The following CSMD1 variants were observed in gnomAD, a reference collection of about 807,000 sequenced individuals.
CSMD1 encodes the protein CUB and Sushi multiple domains 1.
Under a neutral mutation model 417.5 loss-of-function variants are expected in CSMD1, and 213 were observed. That is an observed-to-expected ratio of 0.51 (90% CI 0.46 to 0.57). CSMD1 has a LOEUF of 0.57. CSMD1 is among the 20% of genes least tolerant of loss of function. The pLI, the probability that CSMD1 is intolerant of heterozygous loss-of-function variation, is 0.00. For synonymous variants in CSMD1, 2,862 were observed against 1,736.8 expected, an observed-to-expected ratio of 1.65 and a Z score of -16.11; for missense variants, 6,923 against 4,529.7, an observed-to-expected ratio of 1.53 and a Z score of -15.17.
At chr8:4,736,500 G>C (rs778587740) in intron 1 of CSMD1, among the ~76,000 whole-genome samples, 2 of 152,102 alleles carry the variant, frequency 1.3e-5, no homozygotes, top group Non-Finnish European at 2.9e-5. Flanking sequence ...TCAGAACTCA[G>C]ATACTCAAGC....
intron 60 of CSMD1, 60 bp from the exon 61 acceptor site, chr8:2,962,699 T>G (rs766137933): frequency 6.6e-7 from 1 of 1,522,602 alleles, no homozygotes; most frequent in Non-Finnish European, 8.9e-7. Context: ...CTTCACCAAT[T>G]GAGCTTGGTA....
chr8:3,307,641 A>C (rs1311838900), intron 25 of CSMD1, 54 bp downstream of exon 25: 15 of 1,567,268 alleles, frequency 9.6e-6, no homozygotes, highest in African/African-American at 1.4e-5. Flanking sequence ...CTGCTACAAG[A>C]ATAGAAGGCA....
chr8:3,767,610 T>G (rs1417109304), intron 5 of CSMD1, among the ~76,000 whole-genome samples: 1 of 151,914 alleles, frequency 6.6e-6, no homozygotes, highest in Non-Finnish European at 1.5e-5. Flanking sequence ...TCAACTATGT[T>G]TTATATCCAC....
Position 4,750,450 on chromosome 8 carries a change from T to A in CSMD1, c.86-112892A>T, listed in dbSNP as rs561475226. On this transcript the variant is annotated intron_variant, in intron 1 of 69. Coordinates refer to ENST00000635120, the MANE Select transcript of CSMD1 (RefSeq NM_033225.6). ...TTAAATGGTTTAGAAAACCTTGGATTAAATAATATCTAAAACTCTTATGGG... is the reference window on the plus strand; with the variant it reads ...TTAAATGGTTTAGAAAACCTTGGATAAAATAATATCTAAAACTCTTATGGG... 1.0e-3 allele frequency among the ~76,000 whole-genome samples: 152 copies of A among 152,328 alleles called. 1 individual carries two copies. The highest frequency in any genetic ancestry group is 3.5e-3 in the African/African-American group (145 of 41,578).
At chr8:3,747,956 G>C (rs542297771) in intron 6 of CSMD1, among the ~76,000 whole-genome samples, 1 of 151,972 alleles carries the variant, frequency 6.6e-6, no homozygotes, top group Non-Finnish European at 1.5e-5. Flanking sequence ...CTTTTCTTCC[G>C]TTTGTCTAGA....
chr8:4,178,745 A>G (rs929270138), intron 3 of CSMD1, among the ~76,000 whole-genome samples: 1 of 152,178 alleles, frequency 6.6e-6, no homozygotes, highest in African/African-American at 2.4e-5. Flanking sequence ...TCAGGATACA[A>G]AATCAATGTA....
At chr8:3,854,463 G>A (rs1197631538) in intron 5 of CSMD1, among the ~76,000 whole-genome samples, 1 of 152,018 alleles carries the variant, frequency 6.6e-6, no homozygotes. Context: ...AAATTACTTG[G>A]CACACGTTAT....
chr8:3,930,928 G>C (rs7014467), intron 5 of CSMD1, among the ~76,000 whole-genome samples: 3 of 150,544 alleles, frequency 2.0e-5, no homozygotes, highest in African/African-American at 7.3e-5. Flanking sequence ...TGGTTCAATT[G>C]TTGCTAGGAT....
At chr8:3,216,105 A>G (rs1376689302) in intron 29 of CSMD1, among the ~76,000 whole-genome samples, 2 of 150,794 alleles carry the variant, frequency 1.3e-5, no homozygotes, top group South Asian at 2.1e-4. Flanking sequence ...TAAATGATAC[A>G]TATATATTTT....
intron 3 of CSMD1, among the ~76,000 whole-genome samples, chr8:4,036,269 T>A (rs1387031313): frequency 6.6e-6 from 1 of 152,210 alleles, no homozygotes; most frequent in Non-Finnish European, 1.5e-5. Flanking sequence ...ATGTAACATA[T>A]CTCAAGATGC....
chr8:4,222,984 GTTAGA>G (rs1212393872), intron 3 of CSMD1, among the ~76,000 whole-genome samples: 1 of 152,078 alleles, frequency 6.6e-6, no homozygotes, highest in African/African-American at 2.4e-5. Flanking sequence ...AGAAGCTGAA[GTTAGA>G]TTAAAGCAAA....
intron 1 of CSMD1, among the ~76,000 whole-genome samples, chr8:4,857,586 C>T (rs890456320): frequency 5.3e-5 from 8 of 152,068 alleles, no homozygotes; most frequent in African/African-American, 1.7e-4. Context: ...GGGGATATCA[C>T]CACCGATCCC....
chr8:4,757,588 C>A (rs577592351), intron 1 of CSMD1, among the ~76,000 whole-genome samples: 15 of 152,292 alleles, frequency 9.8e-5, no homozygotes, highest in Admixed American at 1.3e-4. Flanking sequence ...CAATAGCCTA[C>A]AGGAGACATA....
At chr8:2,970,238 G>T (rs192045446) in intron 57 of CSMD1, among the ~76,000 whole-genome samples, 27 of 152,280 alleles carry the variant, frequency 1.8e-4, no homozygotes, top group Admixed American at 1.4e-3. Flanking sequence ...AGGTGAGATT[G>T]CTAAGGAAAA....
intron 5 of CSMD1, among the ~76,000 whole-genome samples, chr8:3,933,600 T>A (rs1305767164): frequency 6.6e-6 from 1 of 152,046 alleles, no homozygotes; most frequent in African/African-American, 2.4e-5. Flanking sequence ...GTAGAACTGT[T>A]AAGATTTGCT....
intron 5 of CSMD1, among the ~76,000 whole-genome samples, chr8:3,879,393 G>T (rs573274853): frequency 1.2e-4 from 19 of 152,184 alleles, no homozygotes; most frequent in South Asian, 1.2e-3. Context: ...TTCATACACT[G>T]TAGCACAAGC....
intron 1 of CSMD1, among the ~76,000 whole-genome samples, chr8:4,830,818 G>C (rs764774172): frequency 3.9e-5 from 6 of 152,202 alleles, no homozygotes; most frequent in African/African-American, 7.2e-5. Context: ...AATGTGGAAT[G>C]AGCAGGGAAA....
intron 2 of CSMD1, among the ~76,000 whole-genome samples, chr8:4,451,188 G>C (rs575246415): frequency 1.3e-5 from 2 of 151,996 alleles, no homozygotes; most frequent in Admixed American, 6.6e-5. Context: ...AAATAACCAA[G>C]TGTGATGAGG....
intron 2 of CSMD1, among the ~76,000 whole-genome samples, chr8:4,424,477 A>AT (rs771331291): frequency 1.3e-5 from 2 of 152,044 alleles, no homozygotes; most frequent in Non-Finnish European, 2.9e-5. Flanking sequence ...GCAAATTAAA[A>AT]CCACAGAGAA....
Sources: allele counts gnomAD v4.1 joint callset (sites outside exome capture counted in the v4.1 genomes callset), GRCh38; gene constraint gnomAD v4.1.1; transcripts MANE v1.5; gene names NCBI Gene and HGNC (gene_info 2026-07-23, HGNC 2026-07-21).